CADM1: variants seen among roughly 807,000 people sequenced by gnomAD.
CADM1 encodes the protein cell adhesion molecule 1, also known as TSLC-1.
Under a neutral mutation model 53.1 loss-of-function variants are expected in CADM1, and 15 were observed. That is an observed-to-expected ratio of 0.28 (90% CI 0.19 to 0.44). The LOEUF (loss-of-function observed/expected upper bound fraction) is 0.44, where lower values mean the gene tolerates loss of function less well. Ranked by LOEUF, CADM1 falls within the 20% of genes least tolerant of loss-of-function variation. CADM1 has a pLI of 1.00. For missense variants in CADM1, 434 were observed against 611.3 expected (o/e 0.71, Z 3.06); for synonymous variants, 281 against 243.0 (o/e 1.16, Z -1.45).
At position 115,422,639 on chromosome 11, in the gene CADM1, G is replaced by T. The variant is rs143479139; in HGVS notation, c.124+81632C>A. On this transcript the variant is annotated intron_variant, in intron 1 of 11. Transcript: ENST00000331581. ...GCCATAACCTACATTTCTGGATCCT[G>T]GTCTAAATTGAATAGACCCTTTTAC... Among the ~76,000 whole-genome samples the T allele has an allele frequency of 7.0e-3, 1,068 of 152,228 alleles. 7 individuals are homozygous for T. The highest frequency in any genetic ancestry group is 0.012 in the Non-Finnish European group (805 of 68,000).
intron 6 of CADM1, 120 bp from the exon 7 acceptor site, chr11:115,214,900 G>T: frequency 9.5e-7 from 1 of 1,052,346 alleles, no homozygotes; most frequent in Non-Finnish European, 1.5e-6. Context: ...TAAGTTCACA[G>T]AATTACAACT....
At chr11:115,186,944 G>A (rs904223203) in intron 10 of CADM1, among the ~76,000 whole-genome samples, 3 of 152,232 alleles carry the variant, frequency 2.0e-5, no homozygotes, top group Non-Finnish European at 2.9e-5. Context: ...TCCAGCTCCT[G>A]TTGGTCTTGT....
Position 115,174,762 on chromosome 11 carries a change from G to C in CADM1, c.*1712C>G. ...GAATATATATTTATATATATATATA[G>C]ATCTATCTTTTTTGATGCCATCTTT... is the stretch of plus-strand genomic sequence containing the variant. On this transcript the variant is annotated 3_prime_UTR_variant, in exon 12 of 12. Coordinates refer to ENST00000331581, the MANE Select transcript of CADM1 (RefSeq NM_001301043.2). The C allele has an allele frequency of 1.1e-6, 1 of 878,534 alleles. No homozygotes were observed. The highest frequency in any genetic ancestry group is 1.4e-6 in the Non-Finnish European group (1 of 733,012). 54.4% of individuals were successfully genotyped at this position (878,534 alleles called of 1,614,324 possible).
At chr11:115,376,247 G>A (rs1434694402) in intron 1 of CADM1, among the ~76,000 whole-genome samples, 1 of 152,126 alleles carries the variant, frequency 6.6e-6, no homozygotes, top group Non-Finnish European at 1.5e-5. Flanking sequence ...AGGATTAAAT[G>A]AGATACAACT....
At chr11:115,476,749 G>C (rs1356167857) in intron 1 of CADM1, among the ~76,000 whole-genome samples, 1 of 152,128 alleles carries the variant, frequency 6.6e-6, no homozygotes, top group Admixed American at 6.5e-5. Flanking sequence ...CGATAACTTA[G>C]AAATCAACAA....
chr11:115,497,969 G>C (rs1418040991), intron 1 of CADM1, among the ~76,000 whole-genome samples: 1 of 135,516 alleles, frequency 7.4e-6, no homozygotes, highest in Non-Finnish European at 1.6e-5. Context: ...TTTTGAGAAA[G>C]AGCCTCAAAA....
intron 1 of CADM1, among the ~76,000 whole-genome samples, chr11:115,407,179 G>A (rs1434445231): frequency 6.6e-6 from 1 of 152,100 alleles, no homozygotes; most frequent in Non-Finnish European, 1.5e-5. Context: ...ACAGAGGTTT[G>A]GGCGAAGGCT....
intron 1 of CADM1, among the ~76,000 whole-genome samples, chr11:115,461,799 T>C (rs1258723845): frequency 6.6e-6 from 1 of 152,118 alleles, no homozygotes; most frequent in Non-Finnish European, 1.5e-5. Context: ...AGCTCTTTTT[T>C]AAACAGGGAA....
At chr11:115,224,285 G>T (rs1379126303) in intron 5 of CADM1, among the ~76,000 whole-genome samples, 1 of 144,520 alleles carries the variant, frequency 6.9e-6, no homozygotes, top group Admixed American at 6.7e-5. Flanking sequence ...TTGAGGGAAT[G>T]AAAGAAAAAA....
intron 2 of CADM1, among the ~76,000 whole-genome samples, chr11:115,239,127 TGTAA>T (rs1446075774): frequency 1.3e-5 from 2 of 152,012 alleles, no homozygotes; most frequent in Non-Finnish European, 2.9e-5. Context: ...CCTCAAAAAT[TGTAA>T]GTAAGGCCTT....
chr11:115,476,596 C>T (rs573419488), intron 1 of CADM1, among the ~76,000 whole-genome samples: 2 of 152,288 alleles, frequency 1.3e-5, no homozygotes, highest in East Asian at 3.9e-4. Context: ...TAGAATTAAA[C>T]ATTCTGTAGG....
At chr11:115,480,845 T>C (rs752527584) in intron 1 of CADM1, among the ~76,000 whole-genome samples, 6 of 152,102 alleles carry the variant, frequency 3.9e-5, no homozygotes, top group Non-Finnish European at 5.9e-5. Context: ...TGCAATCTTA[T>C]CTACATCCAC....
intron 9 of CADM1, among the ~76,000 whole-genome samples, chr11:115,196,160 C>T (rs1940135867): frequency 6.6e-6 from 1 of 152,160 alleles, no homozygotes; most frequent in Non-Finnish European, 1.5e-5. Context: ...TTACCTGCCA[C>T]AGAAATGCTA....
At chr11:115,206,607 A>G (rs11215416) in intron 8 of CADM1, among the ~76,000 whole-genome samples, 29,882 of 152,044 alleles carry the variant, frequency 0.2, 3,564 homozygotes, top group South Asian at 0.32. Flanking sequence ...ACTTCCTTTC[A>G]GAGAAATCAG....
intron 5 of CADM1, among the ~76,000 whole-genome samples, chr11:115,221,959 T>C (rs1203805538): frequency 2.0e-5 from 3 of 152,170 alleles, no homozygotes; most frequent in African/African-American, 7.2e-5. Context: ...TTTGATGTGC[T>C]CAATGCAACT....
chr11:115,417,813 C>G (rs1947641783), intron 1 of CADM1, among the ~76,000 whole-genome samples: 1 of 152,118 alleles, frequency 6.6e-6, no homozygotes, highest in Non-Finnish European at 1.5e-5. Context: ...GTAACTGAAA[C>G]CAACAAAAGT....
chr11:115,479,516 GA>G (rs1949212496), intron 1 of CADM1, among the ~76,000 whole-genome samples: 1 of 152,026 alleles, frequency 6.6e-6, no homozygotes, highest in African/African-American at 2.4e-5. Flanking sequence ...GAGTACATAA[GA>G]AATTCAAATA....
chr11:115,503,539 C>G (rs1047780796), intron 1 of CADM1, among the ~76,000 whole-genome samples: 16 of 152,022 alleles, frequency 1.1e-4, no homozygotes, highest in Admixed American at 1.0e-3. Context: ...GGCGCCTTCC[C>G]GCAGAGGCGG....
chr11:115,501,855 G>A (rs1304884698), intron 1 of CADM1, among the ~76,000 whole-genome samples: 2 of 151,964 alleles, frequency 1.3e-5, no homozygotes, highest in Non-Finnish European at 2.9e-5. Flanking sequence ...TTACCCCTGG[G>A]GTATGGGACC....
Sources: allele counts gnomAD v4.1 joint callset (sites outside exome capture counted in the v4.1 genomes callset), GRCh38; gene constraint gnomAD v4.1.1; transcripts MANE v1.5; gene names NCBI Gene and HGNC (gene_info 2026-07-23, HGNC 2026-07-21).